Variants in NADSYN1 observed in about 807,000 individuals in gnomAD.
NADSYN1 encodes the protein glutamine-dependent NAD(+) synthetase.
Under a neutral mutation model 99.3 loss-of-function variants are expected in NADSYN1, and 80 were observed. The ratio of observed to expected loss-of-function variants is 0.81; its 90% CI spans 0.67 to 0.97. The LOEUF (loss-of-function observed/expected upper bound fraction) is 0.97. NADSYN1 is among the 50% of genes least tolerant of loss of function. The pLI, the probability that NADSYN1 is intolerant of heterozygous loss-of-function variation, is 0.00. For synonymous variants in NADSYN1, 385 were observed against 372.1 expected (o/e 1.03, Z -0.40); for missense variants, 859 against 948.5 (o/e 0.91, Z 1.24).
chr11:71,482,527 G>A (rs1044665302), intron 13 of NADSYN1, among the ~76,000 whole-genome samples: 2 of 150,578 alleles, frequency 1.3e-5, no homozygotes, highest in East Asian at 2.0e-4. Context: ...GGTGTAGACC[G>A]GGGTGGAGCC....
intron 18 of NADSYN1, chr11:71,497,261 G>A (rs563763923): frequency 8.1e-5 from 44 of 542,024 alleles, no homozygotes; most frequent in South Asian, 5.0e-4. Flanking sequence ...CCGTTCACCC[G>A]TTACGGTCCT....
chr11:71,470,082 C>T (rs1000906855), intron 5 of NADSYN1, among the ~76,000 whole-genome samples: 6 of 152,312 alleles, frequency 3.9e-5, no homozygotes, highest in Non-Finnish European at 8.8e-5. Context: ...AGGCGAAAGC[C>T]ATGTCTTACA....
chr11:71,487,055 C>T (rs920078122), intron 16 of NADSYN1, among the ~76,000 whole-genome samples: 1 of 152,172 alleles, frequency 6.6e-6, no homozygotes, highest in Non-Finnish European at 1.5e-5. Flanking sequence ...ATCCGCCCAC[C>T]TTGGCCTCCC....
intron 5 of NADSYN1, among the ~76,000 whole-genome samples, chr11:71,472,097 C>T (rs1044758661): frequency 6.6e-6 from 1 of 152,180 alleles, no homozygotes; most frequent in South Asian, 2.1e-4. Context: ...TCAGTAACAG[C>T]GATCAGGAAT....
At chr11:71,493,960 T>C (rs28823295) in intron 18 of NADSYN1, among the ~76,000 whole-genome samples, 14,025 of 152,198 alleles carry the variant, frequency 0.092, 843 homozygotes, top group African/African-American at 0.17. Context: ...GGTGAAACCC[T>C]GTCTCTACCA....
chr11:71,479,595 G>C (rs552442502), intron 10 of NADSYN1: 3 of 152,316 alleles, frequency 2.0e-5, no homozygotes, highest in South Asian at 4.1e-4. Context: ...CAAGTCTACT[G>C]TCTGTCTTCA....
chr11:71,482,663 G>A (rs371816323), intron 13 of NADSYN1, 186 bp from the exon 14 acceptor site: 5 of 456,956 alleles, frequency 1.1e-5, no homozygotes, highest in African/African-American at 9.8e-5. Context: ...GCACCTGGGG[G>A]TGTAGACTGG....
At chr11:71,481,690 T>G in intron 12 of NADSYN1, 1 of 601,482 alleles carries the variant, frequency 1.7e-6, no homozygotes, top group Non-Finnish European at 3.0e-6. Flanking sequence ...GTATCTGCAG[T>G]TCGTCGGTGG....
chr11:71,486,586 C>T (rs1168459257), intron 16 of NADSYN1, among the ~76,000 whole-genome samples: 3 of 151,570 alleles, frequency 2.0e-5, no homozygotes, highest in Non-Finnish European at 4.4e-5. Context: ...CATCCACCCA[C>T]CCATCTATCC....
chr11:71,488,127 G>A (rs1006524805), intron 16 of NADSYN1, among the ~76,000 whole-genome samples: 17 of 152,122 alleles, frequency 1.1e-4, no homozygotes, highest in African/African-American at 4.1e-4. Context: ...TCTGATTCTA[G>A]TTCAGTCGCA....
rs777392743 is a variant in NADSYN1 at position 71,464,065 on chromosome 11, C to A, written c.330C>A (p.Leu110=). 2 of 1,611,900 alleles carry A rather than the reference C, an allele frequency of 1.2e-6. No homozygotes were observed. Among genetic ancestry groups the A allele is most frequent in the East Asian group, 2.2e-5 (1 of 44,834 alleles). The change falls in exon 5 of 21, where the codon CTC becomes CTA. Residue 110 remains leucine (L), a synonymous_variant. Coordinates refer to ENST00000319023, the MANE Select transcript of NADSYN1 (RefSeq NM_018161.5). The part of the protein sequence containing the change: ...RVIFLNRKIL[L]IRPKMALANE... ...CCCCTGTCTGCAGGAAGATCCTGCT[C>A]ATCAGACCCAAGATGGCCTTGGCCA...
intron 16 of NADSYN1, among the ~76,000 whole-genome samples, chr11:71,487,846 A>G (rs1253739584): frequency 2.8e-4 from 41 of 148,608 alleles, no homozygotes; most frequent in African/African-American, 3.0e-4. Flanking sequence ...AAAAAAAAAA[A>G]AAAAGAAAAG....
intron 12 of NADSYN1, chr11:71,481,667 A>C: frequency 1.7e-6 from 1 of 601,690 alleles, no homozygotes; most frequent in Non-Finnish European, 2.9e-6. Context: ...TCTTGCCAGC[A>C]TTGTAATCAT....
rs781190608 is a variant in NADSYN1, at chr11:71,497,576, C to A, written c.1858C>A (p.Leu620Ile). 1.2e-6 allele frequency: 2 copies of A among 1,614,166 alleles called. No homozygotes were observed. Among genetic ancestry groups the A allele is most frequent in the Non-Finnish European group, 1.7e-6 (2 of 1,180,034 alleles). Residue 620 changes from leucine (L) to isoleucine (I), a missense_variant, in exon 19 of 21, where the codon CTC (leucine) becomes ATC (isoleucine). By Grantham distance (5) the Leu-to-Ile change is conservative. Coordinates refer to ENST00000319023, the MANE Select transcript of NADSYN1 (RefSeq NM_018161.5). Reference protein sequence around the residue: ...MGPYSMFCKLLGMWRHICTPR... With the variant: ...MGPYSMFCKLIGMWRHICTPR... Reference sequence around the variant, plus strand: ...GCCCTACAGCATGTTCTGCAAACTCCTCGGCATGTGGAGACACATCTGCAC... The same window carrying A: ...GCCCTACAGCATGTTCTGCAAACTCATCGGCATGTGGAGACACATCTGCAC...
intron 16 of NADSYN1, 58 bp downstream of exon 16, chr11:71,485,706 G>A (rs1253020015): frequency 6.3e-6 from 8 of 1,271,830 alleles, no homozygotes; most frequent in Non-Finnish European, 7.7e-6. Flanking sequence ...GGTCTCTGAA[G>A]GTGATACGCT....
intron 15 of NADSYN1, chr11:71,484,941 G>A (rs112324186): frequency 9.4e-5 from 17 of 181,700 alleles, no homozygotes; most frequent in African/African-American, 3.0e-4. Flanking sequence ...GCATGAGTGC[G>A]TCTGCATGAG....
Position 71,467,928 on chromosome 11 carries a change from G to A in NADSYN1, c.407+3786G>A, listed in dbSNP as rs113433784. Reference sequence around the variant, plus strand: ...CATCTAGAAACATTCTTGTGAAACCGCAGAACACTAAAGACACAGAGAAAT... The same window carrying A: ...CATCTAGAAACATTCTTGTGAAACCACAGAACACTAAAGACACAGAGAAAT... On this transcript the variant is annotated intron_variant, in intron 5 of 20. Coordinates refer to ENST00000319023, the MANE Select transcript of NADSYN1 (RefSeq NM_018161.5). Among the ~76,000 whole-genome samples the A allele has an allele frequency of 9.9e-5, 15 of 152,268 alleles. No individual in the cohort carries two copies. In the South Asian group the frequency reaches 1.0e-3, roughly 11 times the overall value.
intron 5 of NADSYN1, among the ~76,000 whole-genome samples, chr11:71,467,541 G>A (rs1949600582): frequency 6.6e-6 from 1 of 152,186 alleles, no homozygotes; most frequent in South Asian, 2.1e-4. Context: ...AGCTCAAAAG[G>A]TAAGAAGCAG....
At chr11:71,465,046 A>G (rs1949578692) in intron 5 of NADSYN1, among the ~76,000 whole-genome samples, 1 of 152,092 alleles carries the variant, frequency 6.6e-6, no homozygotes, top group Non-Finnish European at 1.5e-5. Context: ...GTAGGTAAAG[A>G]GAGGCAGATT....
Sources: gnomAD v4.1 joint callset for allele counts (sites outside exome capture counted in the v4.1 genomes callset) on GRCh38, gnomAD v4.1.1 for gene constraint, MANE v1.5 for transcripts, NCBI Gene and HGNC (gene_info 2026-07-23, HGNC 2026-07-21) for gene names.